Variants in CAMK2B observed in about 807,000 individuals in gnomAD.
CAMK2B encodes the protein calcium/calmodulin-dependent protein kinase type II subunit beta.
CAMK2B carries 27 observed loss-of-function variants against 93.7 expected under a neutral mutation model. The ratio of observed to expected loss-of-function variants is 0.29; its 90% CI spans 0.21 to 0.40. The LOEUF is 0.40. CAMK2B is among the 10% of genes least tolerant of loss of function. The pLI, the probability that CAMK2B is intolerant of heterozygous loss-of-function variation, is 1.00. For missense variants in CAMK2B, 568 were observed against 895.8 expected (o/e 0.63, Z 4.67); for synonymous variants, 374 against 358.8 (o/e 1.04, Z -0.48).
intron 5 of CAMK2B, among the ~76,000 whole-genome samples, chr7:44,249,032 C>A (rs1237964204): frequency 6.6e-6 from 1 of 152,176 alleles, no homozygotes; most frequent in East Asian, 1.9e-4. Flanking sequence ...CCCTGGCCTA[C>A]ATCTAGAGAC....
intron 11 of CAMK2B, among the ~76,000 whole-genome samples, chr7:44,241,040 A>G (rs537983235): frequency 3.3e-5 from 5 of 152,300 alleles, no homozygotes; most frequent in African/African-American, 9.6e-5. Flanking sequence ...ACAGCTGGTC[A>G]CCACGGCAGC....
At chr7:44,253,354 C>T (rs867165966) in intron 5 of CAMK2B, among the ~76,000 whole-genome samples, 1 of 151,930 alleles carries the variant, frequency 6.6e-6, no homozygotes, top group African/African-American at 2.4e-5. Flanking sequence ...GCTGGGATTA[C>T]AGGCATGCGC....
chr7:44,256,563 G>A (rs903093794), intron 4 of CAMK2B, among the ~76,000 whole-genome samples: 1 of 152,230 alleles, frequency 6.6e-6, no homozygotes, highest in African/African-American at 2.4e-5. Context: ...TGGGCAGGAG[G>A]ATCAAAACCC....
chr7:44,273,882 A>G (rs1257801579), intron 2 of CAMK2B, among the ~76,000 whole-genome samples: 1 of 152,156 alleles, frequency 6.6e-6, no homozygotes, highest in Non-Finnish European at 1.5e-5. Flanking sequence ...CCCGAGGCCC[A>G]AGGCCAGGGA....
chr7:44,272,317 C>T (rs757676017), intron 2 of CAMK2B, among the ~76,000 whole-genome samples: 58 of 152,046 alleles, frequency 3.8e-4, no homozygotes, highest in Non-Finnish European at 5.3e-4. Context: ...GAGGTGGTGT[C>T]GAAGGGGGTA....
At chr7:44,276,218 C>T (rs1290740794) in intron 2 of CAMK2B, among the ~76,000 whole-genome samples, 1 of 151,914 alleles carries the variant, frequency 6.6e-6, no homozygotes. Context: ...GGGAGGGTCC[C>T]TGGGCTGGGA....
In CAMK2B at chr7:44,236,456, G is replaced by A. The variant is rs189438580; in HGVS notation, c.1022-1780C>T. ...AGAGGGGCCTCAGGCATCACTCTCCGTCCCCAGGCCTAAGGCCCCTCCTGG... is the reference window on the plus strand; with the variant it reads ...AGAGGGGCCTCAGGCATCACTCTCCATCCCCAGGCCTAAGGCCCCTCCTGG... On this transcript the variant is annotated intron_variant, in intron 13 of 23. Coordinates refer to ENST00000395749, the MANE Select transcript of CAMK2B (RefSeq NM_001220.5). 3.9e-5 allele frequency among the ~76,000 whole-genome samples: 6 copies of A among 152,164 alleles called. No individual in the cohort carries two copies. In the East Asian group the frequency reaches 5.8e-4, roughly 15 times the overall value.
chr7:44,325,279 A>G lies in CAMK2B; in HGVS notation c.65+78T>C, dbSNP rs1006947260. On this transcript the variant is annotated intron_variant, in intron 1 of 23. Coordinates refer to ENST00000395749, the MANE Select transcript of CAMK2B (RefSeq NM_001220.5). ...GCGCGCGGGCCCGCAGTGCGCCTGGAGCCGGCGGCGCGGAGGGTCCCGGAG... is the reference window on the plus strand; with the variant it reads ...GCGCGCGGGCCCGCAGTGCGCCTGGGGCCGGCGGCGCGGAGGGTCCCGGAG... 7.5e-5 allele frequency: 62 copies of G among 826,784 alleles called. No individual in the cohort carries two copies. The African/African-American group carries it at 1.1e-3, about 14-fold the overall frequency. The allele number at this position is 826,784 out of a possible 1,614,324, so 51.2% of individuals were successfully genotyped here.
In CAMK2B at chr7:44,225,843, T is replaced by G. The variant is rs1336239940; in HGVS notation, c.1597+673A>C. 2 of 1,289,182 alleles carry G rather than the reference T, an allele frequency of 1.6e-6. No individual in the cohort carries two copies. The highest frequency in any genetic ancestry group is 1.5e-5 in the African/African-American group (1 of 65,884). The allele number at this position is 1,289,182 out of a possible 1,614,324, so 79.9% of individuals were successfully genotyped here. A position where few individuals can be genotyped will look rare whatever the true frequency, so the allele number is the denominator to read the frequency against. On this transcript the variant is annotated intron_variant, in intron 20 of 23. Transcript: ENST00000395749. The surrounding 1 kb of genome is among the most constrained non-coding windows in gnomAD (Gnocchi z 5.0). ...TATCTCCACACCACCCCCAGTCTGG[T>G]GTCTCCCCACAGGTGGGGGTGGCAG...
In CAMK2B at chr7:44,322,072, A is replaced by G. The variant is rs112829001; in HGVS notation, c.65+3285T>C. Among the ~76,000 whole-genome samples, 885 of 152,390 alleles carry G rather than the reference A, an allele frequency of 5.8e-3. 10 individuals carry two copies. The highest frequency in any genetic ancestry group is 0.02 in the African/African-American group (840 of 41,594). ...GCTGGCCACAGTGTGCTGAGTGACA[A>G]TGGAACACAGGAGACAACCTAGATT... On this transcript the variant is annotated intron_variant, in intron 1 of 23. Transcript: ENST00000395749.
chr7:44,298,504 A>G (rs945414525), intron 1 of CAMK2B, among the ~76,000 whole-genome samples: 3 of 152,178 alleles, frequency 2.0e-5, no homozygotes, highest in Non-Finnish European at 1.5e-5. Context: ...ATATGACACC[A>G]AAAGTGCAGG....
intron 1 of CAMK2B, among the ~76,000 whole-genome samples, chr7:44,309,262 G>A (rs1213005894): frequency 1.3e-5 from 2 of 152,236 alleles, no homozygotes; most frequent in Non-Finnish European, 2.9e-5. Context: ...CTGAAGCCGG[G>A]CTCTGGGGCA....
intron 1 of CAMK2B, among the ~76,000 whole-genome samples, chr7:44,290,515 G>A (rs777854471): frequency 2.6e-5 from 4 of 152,246 alleles, no homozygotes; most frequent in Non-Finnish European, 4.4e-5. Context: ...GCTGGCCCCA[G>A]GTGGGCTCCA....
chr7:44,320,874 C>T (rs1795901699), intron 1 of CAMK2B, among the ~76,000 whole-genome samples: 1 of 152,196 alleles, frequency 6.6e-6, no homozygotes, highest in African/African-American at 2.4e-5. Flanking sequence ...GGGAGCCGGA[C>T]CTCCGCCTCT....
intron 8 of CAMK2B, 66 bp from the exon 9 acceptor site, chr7:44,242,720 C>G: frequency 8.8e-7 from 1 of 1,130,348 alleles, no homozygotes; most frequent in Non-Finnish European, 1.3e-6. Context: ...AGCCCATGCC[C>G]TGCACCCTCA....
rs571845181 is a variant in CAMK2B, at chr7:44,285,900, G to A, written c.66-1675C>T. Among the ~76,000 whole-genome samples, 256 of 150,404 alleles carry A rather than the reference G, an allele frequency of 1.7e-3. 4 individuals are homozygous for A. The highest frequency in any genetic ancestry group is 5.6e-3 in the African/African-American group (230 of 40,844). ...GGGGCGCGGCGGGGGGGCACGGTGA[G>A]GTGTTCACTGTTCACTCCGCATTCT... is the stretch of plus-strand genomic sequence containing the variant. On this transcript the variant is annotated intron_variant, in intron 1 of 23. Coordinates refer to ENST00000395749, the MANE Select transcript of CAMK2B (RefSeq NM_001220.5).
chr7:44,262,772 C>T lies in CAMK2B; in HGVS notation c.220+233G>A, dbSNP rs530604793. On this transcript the variant is annotated intron_variant, in intron 3 of 23. Transcript: ENST00000395749. ...GTGGAGCTGGGCACCCAGAGCCCCA[C>T]CTTGGGGCTGCCCCGGCTCTGAGCA... Among the ~76,000 whole-genome samples the T allele has an allele frequency of 3.2e-4, 49 of 152,278 alleles. 1 individual carries two copies. Among genetic ancestry groups the T allele is most frequent in the Admixed American group, 6.5e-4 (10 of 15,304 alleles).
At chr7:44,276,433 C>G (rs11766580) in intron 2 of CAMK2B, among the ~76,000 whole-genome samples, 3,721 of 152,272 alleles carry the variant, frequency 0.024, 68 homozygotes, top group South Asian at 0.088. Context: ...AGCACCCCCC[C>G]GCCACCCACT....
chr7:44,325,291 G>T, intron 1 of CAMK2B, 66 bp downstream of exon 1: 1 of 925,382 alleles, frequency 1.1e-6, no homozygotes, highest in Non-Finnish European at 1.3e-6. Context: ...CCGGCGGCGC[G>T]GAGGGTCCCG....
Sources: gnomAD v4.1 joint callset for allele counts (sites outside exome capture counted in the v4.1 genomes callset) on GRCh38, gnomAD v4.1.1 for gene constraint, Gnocchi (gnomAD v3.1) non-coding constraint, MANE v1.5 for transcripts, NCBI Gene and HGNC (gene_info 2026-07-23, HGNC 2026-07-21) for gene names.